ACP7: variants seen among roughly 807,000 people sequenced by gnomAD.
ACP7 encodes acid phosphatase type 7.
A neutral mutation model predicts 60.6 loss-of-function variants in ACP7; 58 were observed. The ratio of observed to expected loss-of-function variants is 0.96; its 90% CI spans 0.77 to 1.19. The LOEUF (loss-of-function observed/expected upper bound fraction) is 1.19, where lower values mean the gene tolerates loss of function less well. Ranked by LOEUF, ACP7 falls within the 50% of genes most tolerant of loss-of-function variation. ACP7 has a pLI of 0.00. For synonymous variants in ACP7, 237 were observed against 232.6 expected, an observed-to-expected ratio of 1.02 and a Z score of -0.17; for missense variants, 574 against 596.2, an observed-to-expected ratio of 0.96 and a Z score of 0.39.
intron 12 of ACP7, among the ~76,000 whole-genome samples, chr19:39,109,252 T>C (rs1466713667): frequency 1.3e-5 from 2 of 152,150 alleles, no homozygotes; most frequent in Non-Finnish European, 2.9e-5. Context: ...ACGGCCAAGC[T>C]GGGATCTGAT....
intron 2 of ACP7, among the ~76,000 whole-genome samples, chr19:39,092,438 G>A (rs546134130): frequency 2.6e-5 from 4 of 152,016 alleles, no homozygotes; most frequent in Admixed American, 6.6e-5. Context: ...GGAAGCACAC[G>A]ATGCCAAGGT....
Position 39,100,259 on chromosome 19 carries a change from G to A in ACP7, c.538G>A (p.Ala180Thr). Residue 180 changes from alanine (A) to threonine (T), a missense_variant, in exon 5 of 13, where the codon GCC becomes ACC. By Grantham distance (58) the Ala-to-Thr change is moderately conservative. Transcript: ENST00000331256. Reference sequence around the variant, plus strand: ...TGCCTACAACCTGGATCAGGACAACGCCCGTGTTGGGGATAGGTTCATGCG... The same window carrying A: ...TGCCTACAACCTGGATCAGGACAACACCCGTGTTGGGGATAGGTTCATGCG... ...DFAYNLDQDN[A>T]RVGDRFMRLI... The A allele has an allele frequency of 1.2e-6, 2 of 1,614,068 alleles. No individual in the cohort carries two copies. Among genetic ancestry groups the A allele is most frequent in the Admixed American group, 1.7e-5 (1 of 60,002 alleles).
intron 2 of ACP7, among the ~76,000 whole-genome samples, chr19:39,090,435 C>G (rs1413261154): frequency 1.3e-5 from 2 of 149,706 alleles, no homozygotes; most frequent in South Asian, 2.1e-4. Flanking sequence ...TCCCAAAGTG[C>G]TAGGATTACA....
At position 39,101,206 on chromosome 19, in the gene ACP7, T is replaced by C. The variant is rs1329813264; in HGVS notation, c.972T>C (p.Tyr324=). Residue 324 remains tyrosine (Y), a splice_region_variant and synonymous_variant, in exon 9 of 13, where the codon TAT becomes TAC. Transcript: ENST00000331256. ...GGTTGGAGGATCTTTTCTACAAATA[T>C]GGTGAGCGACCCTCAGGACCCATGC... ...LYGLEDLFYK[Y]GVDLQLWAHE... is the part of the protein sequence containing the mutation. 4 of 1,613,986 alleles carry C rather than the reference T, an allele frequency of 2.5e-6. No individual in the cohort carries two copies. In the African/African-American group the frequency reaches 4.0e-5, roughly 16 times the overall value.
chr19:39,088,505 G>GCT (rs1393072069), intron 2 of ACP7, among the ~76,000 whole-genome samples: 1 of 152,148 alleles, frequency 6.6e-6, no homozygotes, highest in Admixed American at 6.6e-5. Context: ...TGAGATCATG[G>GCT]CTGTCCTTTT....
At chr19:39,098,694 G>A (rs560364) in intron 3 of ACP7, 36 bp downstream of exon 3, 1,273,758 of 1,570,592 alleles carry the variant, frequency 0.81, 517,357 homozygotes, top group Middle Eastern at 0.84. Flanking sequence ...TTGAGGAGGA[G>A]TGGGAAGAGG....
At chr19:39,107,891 A>G (rs571166314) in intron 12 of ACP7, among the ~76,000 whole-genome samples, 2 of 151,740 alleles carry the variant, frequency 1.3e-5, no homozygotes, top group African/African-American at 2.4e-5. Flanking sequence ...GTCTTGGAAA[A>G]AAAAGGAAAA....
rs1157256026 is a variant in ACP7, at chr19:39,100,787, T to C, written c.741T>C (p.Tyr247=). The change falls in exon 7 of 13, where the codon TAT becomes TAC. Residue 247 remains tyrosine (Y), a synonymous_variant. Coordinates refer to ENST00000331256, the MANE Select transcript of ACP7 (RefSeq NM_001004318.3). ...AHIISFSTEV[Y]FFLHYGRHLV... is the part of the protein sequence containing the mutation. ...TCATCTCCTTCTCCACCGAGGTCTA[T>C]TTCTTTCTCCATTATGGCCGCCACT... is the stretch of plus-strand genomic sequence containing the variant. 6.2e-7 allele frequency: 1 copy of C among 1,614,064 alleles called. No homozygotes were observed. Among genetic ancestry groups the C allele is most frequent in the Non-Finnish European group, 8.5e-7 (1 of 1,179,992 alleles).
chr19:39,095,475 G>A (rs1434694107), intron 2 of ACP7, among the ~76,000 whole-genome samples: 4 of 152,228 alleles, frequency 2.6e-5, no homozygotes, highest in African/African-American at 9.6e-5. Context: ...GCAAGAGGTG[G>A]GTTCCCATGG....
chr19:39,103,737 A>G (rs2073383224), intron 11 of ACP7, among the ~76,000 whole-genome samples: 1 of 151,996 alleles, frequency 6.6e-6, no homozygotes, highest in East Asian at 1.9e-4. Flanking sequence ...CCAAAATGGG[A>G]GGATCATTTG....
At chr19:39,088,778 C>T (rs1449061580) in intron 2 of ACP7, among the ~76,000 whole-genome samples, 1 of 152,152 alleles carries the variant, frequency 6.6e-6, no homozygotes, top group African/African-American at 2.4e-5. Context: ...CAGAGTCTCA[C>T]TCCGTCGCCC....
At chr19:39,107,578 CAAAAAAAAA>C (rs34130688) in intron 12 of ACP7, among the ~76,000 whole-genome samples, 3 of 81,226 alleles carry the variant, frequency 3.7e-5, no homozygotes, top group Non-Finnish European at 4.7e-5. Context: ...GACTCTGTCT[CAAAAAAAAA>C]AAAAAAAAAA....
chr19:39,101,497 C>T lies in ACP7; in HGVS notation c.1073C>T (p.Thr358Ile). ...AACGGCAGCCGAGAGATGCCCTACA[C>T]CAACCCGCGAGGGCCTGTCCACATC... Reference protein sequence around the residue: ...VFNGSREMPYTNPRGPVHIIT... With the variant: ...VFNGSREMPYINPRGPVHIIT... Residue 358 changes from threonine to isoleucine, a missense_variant, in exon 11 of 13, where the codon ACC becomes ATC. Coordinates refer to ENST00000331256, the MANE Select transcript of ACP7 (RefSeq NM_001004318.3). The T allele has an allele frequency of 6.2e-7, 1 of 1,614,146 alleles. No individual in the cohort carries two copies. Among genetic ancestry groups the T allele is most frequent in the Non-Finnish European group, 8.5e-7 (1 of 1,180,034 alleles).
intron 11 of ACP7, among the ~76,000 whole-genome samples, chr19:39,103,243 C>A (rs1454255194): frequency 6.6e-6 from 1 of 151,806 alleles, no homozygotes; most frequent in African/African-American, 2.4e-5. Flanking sequence ...CACATTTGTT[C>A]AGTTGGTTAA....
chr19:39,103,813 C>T (rs575575355), intron 11 of ACP7, among the ~76,000 whole-genome samples: 4 of 152,162 alleles, frequency 2.6e-5, no homozygotes, highest in Admixed American at 1.3e-4. Flanking sequence ...GGGGACAGAG[C>T]GAGACCCCAT....
At chr19:39,102,795 T>TTCTCTCTCTC (rs1568482838) in intron 11 of ACP7, among the ~76,000 whole-genome samples, 80 of 76,448 alleles carry the variant, frequency 1.0e-3, no homozygotes, top group African/African-American at 2.3e-3. Context: ...CTCTCTCTCT[T>TTCTCTCTCTC]TCTTTCTTTC....
intron 5 of ACP7, 28 bp downstream of exon 5, chr19:39,100,378 C>A: frequency 6.2e-7 from 1 of 1,611,970 alleles, no homozygotes; most frequent in Non-Finnish European, 8.5e-7. Flanking sequence ...TGGCGGTGGG[C>A]GAGGGCTGGA....
chr19:39,100,453 T>C (rs1003546833), intron 5 of ACP7, 103 bp downstream of exon 5: 44 of 1,599,976 alleles, frequency 2.8e-5, no homozygotes, highest in Non-Finnish European at 3.7e-5. Flanking sequence ...AACATTTCAA[T>C]TGTGGTAGCA....
At position 39,111,479 on chromosome 19, in the gene ACP7, A is replaced by G. The variant is rs2073470119; in HGVS notation, c.*1361A>G. 1 of 152,274 alleles carries G rather than the reference A, an allele frequency of 6.6e-6. No individual in the cohort carries two copies. Among genetic ancestry groups the G allele is most frequent in the Non-Finnish European group, 1.5e-5 (1 of 68,112 alleles). The allele number at this position is 152,274 out of a possible 1,614,324, so 9.4% of individuals were successfully genotyped here. ...AAATAAAAAAGTTTTAAAAAGAGAAAAATAAACAAAGAAACGTGCCTGCCC... is the reference window on the plus strand; with the variant it reads ...AAATAAAAAAGTTTTAAAAAGAGAAGAATAAACAAAGAAACGTGCCTGCCC... On this transcript the variant is annotated 3_prime_UTR_variant, in exon 13 of 13. Transcript: ENST00000331256.
Sources: gnomAD v4.1 joint callset for allele counts (sites outside exome capture counted in the v4.1 genomes callset) on GRCh38, gnomAD v4.1.1 for gene constraint, MANE v1.5 for transcripts, NCBI Gene and HGNC (gene_info 2026-07-23, HGNC 2026-07-21) for gene names.